The following PHKB variants were observed in gnomAD, a reference collection of about 807,000 sequenced individuals.
The protein encoded by PHKB is phosphorylase b kinase regulatory subunit beta.
A neutral mutation model predicts 152.1 loss-of-function variants in PHKB; 122 were observed. The ratio of observed to expected loss-of-function variants is 0.80; its 90% CI spans 0.69 to 0.93. PHKB has a LOEUF of 0.93. Among genes scored for constraint, PHKB ranks in the 40% least tolerant of loss-of-function variants. PHKB has a pLI of 0.00. For synonymous variants in PHKB, 436 were observed against 464.9 expected, an observed-to-expected ratio of 0.94 and a Z score of 0.80; for missense variants, 1,304 against 1,328.4, an observed-to-expected ratio of 0.98 and a Z score of 0.29.
At position 47,566,626 on chromosome 16, in the gene PHKB, G is replaced by C; in HGVS notation, c.711-13669G>C. Reference sequence around the variant, plus strand: ...AAAGCAATGTAGGGTGACAATTTGGGAAGATGGCTCCAGTCGATATTGGGT... The same window carrying C: ...AAAGCAATGTAGGGTGACAATTTGGCAAGATGGCTCCAGTCGATATTGGGT... On this transcript the variant is annotated intron_variant, in intron 7 of 30. Transcript: ENST00000323584. 5.8e-6 allele frequency: 7 copies of C among 1,199,368 alleles called. No individual in the cohort carries two copies. In the South Asian group the frequency reaches 8.5e-5, roughly 14 times the overall value. The allele number at this position is 1,199,368 out of a possible 1,614,324, so 74.3% of individuals were successfully genotyped here.
At chr16:47,521,298 G>A (rs1203640732) in intron 6 of PHKB, among the ~76,000 whole-genome samples, 8 of 152,076 alleles carry the variant, frequency 5.3e-5, no homozygotes, top group Non-Finnish European at 7.4e-5. Context: ...TAAGGGCTGC[G>A]AGTGGACATC....
At chr16:47,660,974 G>A (rs981209020) in intron 22 of PHKB, among the ~76,000 whole-genome samples, 155 bp downstream of exon 22, 25 of 152,182 alleles carry the variant, frequency 1.6e-4, no homozygotes, top group African/African-American at 6.0e-4. Flanking sequence ...ATGAGAAGTT[G>A]TTCTCTTGGT....
In PHKB at chr16:47,609,424, C is replaced by T. The variant is rs1446923839; in HGVS notation, c.1364-1402C>T. On this transcript the variant is annotated intron_variant, in intron 13 of 30. Transcript: ENST00000323584. ...CTCTTAGAATGAGTTGGGAGGTGTT[C>T]CCTCTTTTTTGTGGGTGGGGGGGGG... Among the ~76,000 whole-genome samples the T allele has an allele frequency of 3.4e-5, 4 of 118,102 alleles. No homozygotes were observed. In the East Asian group the frequency reaches 1.0e-3, roughly 30 times the overall value. 77.5% of individuals were successfully genotyped at this position (118,102 alleles called of 152,430 possible).
chr16:47,598,223 C>T (rs1246899920), intron 13 of PHKB, among the ~76,000 whole-genome samples: 2 of 152,094 alleles, frequency 1.3e-5, no homozygotes, highest in Non-Finnish European at 2.9e-5. Context: ...AAAATATTCA[C>T]TCATATTATT....
At chr16:47,608,376 T>G (rs1225223694) in intron 13 of PHKB, among the ~76,000 whole-genome samples, 1 of 152,234 alleles carries the variant, frequency 6.6e-6, no homozygotes, top group African/African-American at 2.4e-5. Context: ...AAGGTCCAGC[T>G]TCATTCTTTT....
chr16:47,502,299 T>C (rs1032648602), intron 3 of PHKB, among the ~76,000 whole-genome samples: 4 of 152,326 alleles, frequency 2.6e-5, no homozygotes, highest in Non-Finnish European at 4.4e-5. Flanking sequence ...AAGGAACATC[T>C]TAACCAAACT....
chr16:47,617,175 T>C (rs989175194), intron 14 of PHKB, among the ~76,000 whole-genome samples: 1 of 148,246 alleles, frequency 6.7e-6, no homozygotes, highest in East Asian at 1.9e-4. Flanking sequence ...AATGTATAAA[T>C]ATACATTATA....
intron 6 of PHKB, among the ~76,000 whole-genome samples, chr16:47,544,999 GA>G (rs1186438714): frequency 5.3e-5 from 8 of 152,156 alleles, no homozygotes; most frequent in Non-Finnish European, 1.0e-4. Flanking sequence ...CTGCATGTGA[GA>G]TGGGTCTCCT....
At chr16:47,659,206 C>T (rs931599345) in intron 20 of PHKB, among the ~76,000 whole-genome samples, 4 of 152,218 alleles carry the variant, frequency 2.6e-5, no homozygotes, top group African/African-American at 9.6e-5. Flanking sequence ...GCTATTAATA[C>T]GTCCATCCTA....
chr16:47,668,712 A>G (rs1436222779), intron 25 of PHKB, among the ~76,000 whole-genome samples: 1 of 152,172 alleles, frequency 6.6e-6, no homozygotes, highest in Non-Finnish European at 1.5e-5. Context: ...TATGCCCAGA[A>G]AAATGAGGGC....
chr16:47,520,997 A>G (rs530811760), intron 6 of PHKB, among the ~76,000 whole-genome samples: 2 of 152,072 alleles, frequency 1.3e-5, no homozygotes, highest in South Asian at 4.1e-4. Flanking sequence ...TTCTTCCTGC[A>G]TATTTTATTC....
intron 13 of PHKB, among the ~76,000 whole-genome samples, chr16:47,610,585 T>C (rs1184792730): frequency 6.6e-6 from 1 of 152,198 alleles, no homozygotes; most frequent in Non-Finnish European, 1.5e-5. Flanking sequence ...TTCTTTCTGT[T>C]ATTGATGCCT....
Position 47,596,417 on chromosome 16 carries a change from G to A in PHKB, c.1249G>A (p.Val417Ile), listed in dbSNP as rs1052587430. 6.2e-7 allele frequency: 1 copy of A among 1,611,658 alleles called. No homozygotes were observed. The highest frequency in any genetic ancestry group is 2.2e-5 in the East Asian group (1 of 44,852). ...PKYYYVPADF[V>I]EYEKNNPGSQ... The stretch of plus-strand genomic sequence containing the variant: ...GTACTATTATGTGCCAGCTGACTTT[G>A]TAGAATATGAAAAAAATAACCCTGG... The change falls in exon 13 of 31, where the codon GTA becomes ATA. Residue 417 changes from valine to isoleucine, a missense_variant. Transcript: ENST00000323584.
intron 7 of PHKB, chr16:47,566,777 C>G (rs1971575133): frequency 9.5e-6 from 7 of 740,360 alleles, no homozygotes; most frequent in South Asian, 9.4e-5. Flanking sequence ...TTTCATGAGC[C>G]CAGCTGACTG....
rs1212866914 is a variant in PHKB at position 47,579,337 on chromosome 16, G to C, written c.711-958G>C. On this transcript the variant is annotated intron_variant, in intron 7 of 30. Coordinates refer to ENST00000323584, the MANE Select transcript of PHKB (RefSeq NM_000293.3). ...TAGAACAGTAGCTCTCAAACTTAAAGTGCATTCAAACACCTGGAAGGCTTT... is the reference window on the plus strand; with the variant it reads ...TAGAACAGTAGCTCTCAAACTTAAACTGCATTCAAACACCTGGAAGGCTTT... Among the ~76,000 whole-genome samples, 4 of 152,156 alleles carry C rather than the reference G, an allele frequency of 2.6e-5. No individual in the cohort carries two copies. In the East Asian group the frequency reaches 7.7e-4, roughly 29 times the overall value.
chr16:47,477,849 A>T (rs183579540), intron 1 of PHKB, among the ~76,000 whole-genome samples: 5 of 152,252 alleles, frequency 3.3e-5, no homozygotes, highest in Non-Finnish European at 7.3e-5. Context: ...AGTCACCAGT[A>T]GCATGTTTAT....
chr16:47,528,857 G>A (rs750645137), intron 6 of PHKB, among the ~76,000 whole-genome samples: 2 of 151,668 alleles, frequency 1.3e-5, no homozygotes, highest in African/African-American at 2.4e-5. Flanking sequence ...CCACTGCACC[G>A]GGTAATTTTT....
intron 6 of PHKB, among the ~76,000 whole-genome samples, chr16:47,526,264 CT>C: frequency 6.6e-6 from 1 of 152,250 alleles, no homozygotes; most frequent in South Asian, 2.1e-4. Context: ...CAAAAATTAT[CT>C]GGGCATGGTG....
chr16:47,604,115 C>G (rs73551228), intron 13 of PHKB, among the ~76,000 whole-genome samples: 10,478 of 152,156 alleles, frequency 0.069, 596 homozygotes, highest in African/African-American at 0.15. Flanking sequence ...TATATTCTGA[C>G]TATTAGAAAC....
Sources: gnomAD v4.1 joint callset for allele counts (sites outside exome capture counted in the v4.1 genomes callset) on GRCh38, gnomAD v4.1.1 for gene constraint, MANE v1.5 for transcripts, NCBI Gene and HGNC (gene_info 2026-07-23, HGNC 2026-07-21) for gene names.